The following CDH7 variants were observed in gnomAD, a reference collection of about 807,000 sequenced individuals.
The protein encoded by CDH7 is cadherin-7.
Under a neutral mutation model 71.8 loss-of-function variants are expected in CDH7, and 25 were observed. The ratio of observed to expected loss-of-function variants is 0.35; its 90% CI spans 0.25 to 0.49. CDH7 has a LOEUF of 0.49. CDH7 is among the 20% of genes least tolerant of loss of function. The pLI is 0.99. For synonymous variants in CDH7, 381 were observed against 363.8 expected (o/e 1.05, Z -0.54); for missense variants, 862 against 974.6 (o/e 0.88, Z 1.54).
chr18:65,814,915 T>A (rs993133215), intron 4 of CDH7, among the ~76,000 whole-genome samples: 3 of 152,180 alleles, frequency 2.0e-5, no homozygotes, highest in Admixed American at 1.3e-4. Context: ...TGTTTTGTGT[T>A]TTCATTCACA....
Position 65,779,200 on chromosome 18 carries a change from G to T in CDH7, c.210+16148G>T, listed in dbSNP as rs1347520871. ...TTCAGAAGCCACAACAGAAAATGTA[G>T]ATTTAGAAATCTTTCATACAGAATT... On this transcript the variant is annotated intron_variant, in intron 2 of 11. Transcript: ENST00000397968. Among the ~76,000 whole-genome samples, 14 of 139,546 alleles carry T rather than the reference G, an allele frequency of 1.0e-4. No homozygotes were observed. The Admixed American group carries it at 1.0e-3, about 10-fold the overall frequency. 91.5% of individuals were successfully genotyped at this position (139,546 alleles called of 152,430 possible).
intron 4 of CDH7, among the ~76,000 whole-genome samples, chr18:65,821,347 A>G (rs1259145011): frequency 3.9e-5 from 6 of 152,094 alleles, no homozygotes; most frequent in African/African-American, 1.4e-4. Flanking sequence ...ACCTGGACCT[A>G]ATTTGTATAT....
At chr18:65,823,699 C>T (rs1912021295) in intron 5 of CDH7, among the ~76,000 whole-genome samples, 1 of 151,896 alleles carries the variant, frequency 6.6e-6, no homozygotes, top group Admixed American at 6.6e-5. Context: ...GAACAAGTCT[C>T]AGTCTAATAC....
rs1913744583 is a variant in CDH7 at position 65,866,064 on chromosome 18, C to CT, written c.1864+3147_1864+3148insT. 2.3e-4 allele frequency: 2 copies of CT among 8,838 alleles called. 1 individual carries two copies. Among genetic ancestry groups the CT allele is most frequent in the African/African-American group, 6.5e-4 (2 of 3,074 alleles). The allele number at this position is 8,838 out of a possible 1,614,324, so 0.5% of individuals were successfully genotyped here. A position where few individuals can be genotyped will look rare whatever the true frequency, so the allele number is the denominator to read the frequency against. ...CCTGTAATCCCAGCACTTTGGGAGGCCGAGGCGGGCGGATCACGAGGTCAG... is the reference window on the plus strand; with the variant it reads ...CCTGTAATCCCAGCACTTTGGGAGGCTCGAGGCGGGCGGATCACGAGGTCAG... On this transcript the variant is annotated intron_variant, in intron 11 of 11. Coordinates refer to ENST00000397968, the MANE Select transcript of CDH7 (RefSeq NM_004361.5).
rs1456781601 is a variant in CDH7 at position 65,885,386 on chromosome 18, T to C, written c.*4492T>C. ...TGTGTGCCTGTGTTTTTTTTTTTTT[T>C]TTTTTTTTTGACGTGGAGTCTCGCT... On this transcript the variant is annotated 3_prime_UTR_variant, in exon 12 of 12. Transcript: ENST00000397968. The C allele has an allele frequency of 8.0e-6, 1 of 124,476 alleles. No individual in the cohort carries two copies. The highest frequency in any genetic ancestry group is 1.7e-5 in the Non-Finnish European group (1 of 57,726). 7.7% of individuals were successfully genotyped at this position (124,476 alleles called of 1,614,324 possible). A position where few individuals can be genotyped will look rare whatever the true frequency, so the allele number is the denominator to read the frequency against.
Position 65,880,551 on chromosome 18 carries a change from G to C in CDH7, c.2015G>C (p.Arg672Thr), listed in dbSNP as rs200742247. The stretch of plus-strand genomic sequence containing the variant: ...GAAGCGTTTGACATGGCTGCACTGA[G>C]AAACCTCAACGTCATCCGAGACACC... The part of the protein sequence containing the change: ...DTEAFDMAAL[R>T]NLNVIRDTKT... The change falls in exon 12 of 12, where the codon AGA (arginine) becomes ACA (threonine). Residue 672 changes from arginine (R) to threonine (T), a missense_variant. Physicochemically the swap from Arg to Thr is moderately conservative, Grantham distance 71 (BLOSUM62 -1). Transcript: ENST00000397968. 1 of 1,613,910 alleles carries C rather than the reference G, an allele frequency of 6.2e-7. No individual in the cohort carries two copies. Among genetic ancestry groups the C allele is most frequent in the Non-Finnish European group, 8.5e-7 (1 of 1,179,968 alleles).
At chr18:65,775,987 A>T (rs147341394) in intron 2 of CDH7, among the ~76,000 whole-genome samples, 1 of 152,182 alleles carries the variant, frequency 6.6e-6, no homozygotes, top group Non-Finnish European at 1.5e-5. Flanking sequence ...TTAAATGTTA[A>T]ATAAGAGTTA....
intron 6 of CDH7, among the ~76,000 whole-genome samples, chr18:65,837,999 A>G (rs1912592943): frequency 6.9e-6 from 1 of 145,382 alleles, no homozygotes; most frequent in Admixed American, 7.3e-5. Context: ...ATCTCGGCTC[A>G]CTGCAACCTC....
chr18:65,808,303 C>G (rs1228115922), intron 2 of CDH7, among the ~76,000 whole-genome samples: 2 of 152,164 alleles, frequency 1.3e-5, no homozygotes, highest in Non-Finnish European at 2.9e-5. Context: ...ATATTTCACC[C>G]TTTGTATTAT....
intron 7 of CDH7, among the ~76,000 whole-genome samples, chr18:65,851,517 C>T (rs1202402302): frequency 2.6e-5 from 4 of 152,116 alleles, no homozygotes; most frequent in African/African-American, 9.7e-5. Context: ...TAAAGAAGAA[C>T]ATTTTAATTG....
rs571621516 is a variant in CDH7 at position 65,765,963 on chromosome 18, A to T, written c.210+2911A>T. ...ACATTCAATTACTCTGGACATTATT[A>T]TATTTTATATTTCATTACATATTAA... On this transcript the variant is annotated intron_variant, in intron 2 of 11. Transcript: ENST00000397968. Among the ~76,000 whole-genome samples the T allele has an allele frequency of 2.6e-5, 4 of 152,224 alleles. No individual in the cohort carries two copies. The East Asian group carries it at 7.7e-4, about 29-fold the overall frequency.
intron 10 of CDH7, among the ~76,000 whole-genome samples, chr18:65,860,666 T>G (rs2144034135): frequency 1.3e-5 from 2 of 152,180 alleles, no homozygotes; most frequent in South Asian, 2.1e-4. Flanking sequence ...TTTTAAAAAT[T>G]TATGTTGTTT....
At chr18:65,818,295 A>G (rs1911794050) in intron 4 of CDH7, among the ~76,000 whole-genome samples, 2 of 152,172 alleles carry the variant, frequency 1.3e-5, no homozygotes, top group Admixed American at 1.3e-4. Context: ...TCAATATGTT[A>G]CAGAATGAAT....
In CDH7 at chr18:65,880,609, A is replaced by G; in HGVS notation, c.2073A>G (p.Gln691=). ...GGAGGGATGTGACTCCAGAAATTCAATTCCTGAGTCGACCAGCTTTTAAAA... is the reference window on the plus strand; with the variant it reads ...GGAGGGATGTGACTCCAGAAATTCAGTTCCTGAGTCGACCAGCTTTTAAAA... ...KTRRDVTPEI[Q]FLSRPAFKSI... The change falls in exon 12 of 12, where the codon CAA becomes CAG. Residue 691 remains glutamine (Q), a synonymous_variant. Transcript: ENST00000397968. The G allele has an allele frequency of 6.2e-7, 1 of 1,613,960 alleles. No individual in the cohort carries two copies. The highest frequency in any genetic ancestry group is 1.7e-5 in the Admixed American group (1 of 59,976).
chr18:65,858,007 G>T (rs1371315035), intron 8 of CDH7, 55 bp downstream of exon 8: 2 of 1,553,928 alleles, frequency 1.3e-6, no homozygotes, highest in Non-Finnish European at 8.8e-7. Context: ...GTGGAGAATC[G>T]ATTGTCATGA....
chr18:65,788,260 A>G (rs896306600), intron 2 of CDH7, among the ~76,000 whole-genome samples: 2 of 152,226 alleles, frequency 1.3e-5, no homozygotes, highest in Admixed American at 6.5e-5. Context: ...TAAAATTCAT[A>G]GCAAATTTTA....
At chr18:65,849,009 A>G (rs1053085512) in intron 7 of CDH7, among the ~76,000 whole-genome samples, 1 of 152,164 alleles carries the variant, frequency 6.6e-6, no homozygotes, top group Non-Finnish European at 1.5e-5. Flanking sequence ...TGCACATATG[A>G]AATCTAAATT....
At chr18:65,793,418 C>CAAAAAAA (rs541826329) in intron 2 of CDH7, among the ~76,000 whole-genome samples, 1 of 91,200 alleles carries the variant, frequency 1.1e-5, no homozygotes, top group African/African-American at 3.9e-5. Flanking sequence ...CACCCAGTCT[C>CAAAAAAA]AAAAAAAAAA....
intron 2 of CDH7, among the ~76,000 whole-genome samples, chr18:65,767,262 T>C (rs965811430): frequency 3.9e-5 from 6 of 152,150 alleles, no homozygotes; most frequent in Admixed American, 3.9e-4. Context: ...TGCATTTAAT[T>C]ATACCTCAGC....
Sources: gnomAD v4.1 joint callset for allele counts (sites outside exome capture counted in the v4.1 genomes callset) on GRCh38, gnomAD v4.1.1 for gene constraint, MANE v1.5 for transcripts, NCBI Gene and HGNC (gene_info 2026-07-23, HGNC 2026-07-21) for gene names.